Variants in BPTF observed in about 807,000 individuals in gnomAD.
BPTF encodes the protein bromodomain PHD finger transcription factor, also known as nucleosome-remodeling factor subunit BPTF.
Under a neutral mutation model 292.5 loss-of-function variants are expected in BPTF, and 18 were observed. The observed-to-expected ratio is 0.06, with a 90% CI of 0.04 to 0.09. The LOEUF (loss-of-function observed/expected upper bound fraction) is 0.09, where lower values mean the gene tolerates loss of function less well. Ranked by LOEUF, BPTF falls within the 10% of genes least tolerant of loss-of-function variation. The pLI, the probability that BPTF is intolerant of heterozygous loss-of-function variation, is 1.00. For missense variants in BPTF, 2,726 were observed against 3,498.7 expected (o/e 0.78, Z 5.57); for synonymous variants, 1,225 against 1,251.9 (o/e 0.98, Z 0.45).
intron 1 of BPTF, among the ~76,000 whole-genome samples, chr17:67,841,374 A>C (rs528835546): frequency 1.2e-3 from 178 of 152,250 alleles, no homozygotes; most frequent in African/African-American, 4.2e-3. Context: ...GCGCCATTGC[A>C]CTCCAGCCTA....
intron 1 of BPTF, among the ~76,000 whole-genome samples, 178 bp downstream of exon 1, chr17:67,826,515 A>C (rs1450803678): frequency 2.0e-5 from 3 of 150,472 alleles, no homozygotes; most frequent in African/African-American, 7.3e-5. Context: ...AAGAGGAAAG[A>C]GGCGCATTGT....
intron 19 of BPTF, among the ~76,000 whole-genome samples, chr17:67,942,300 CT>C (rs2065436134): frequency 7.5e-6 from 1 of 134,040 alleles, no homozygotes; most frequent in African/African-American, 2.8e-5. Flanking sequence ...AGGCAACAGA[CT>C]CCGTCTCAAA....
Position 67,825,975 on chromosome 17 carries a change from C to T in BPTF, c.251C>T (p.Pro84Leu). ...AAGCCGCCGCCGCCGCCGCCGGCCCCCCCCAGCACCAGCGCCCCGGGCCGG... is the reference window on the plus strand; with the variant it reads ...AAGCCGCCGCCGCCGCCGCCGGCCCTCCCCAGCACCAGCGCCCCGGGCCGG... The part of the protein sequence containing the change: ...RRKPPPPPPA[P>L]PSTSAPGRGG... Residue 84 changes from proline to leucine, a missense_variant, in exon 1 of 28, where the codon CCC (proline) becomes CTC (leucine). Physicochemically the swap from Pro to Leu is moderately conservative, Grantham distance 98. This residue lies in a region of BPTF where 103 missense variants were observed against 72.1 expected (regional missense o/e 1.43). Coordinates refer to ENST00000306378, the MANE Select transcript of BPTF (RefSeq NM_182641.4). 2.8e-6 allele frequency: 3 copies of T among 1,057,808 alleles called. No individual in the cohort carries two copies. The South Asian group carries it at 1.3e-4, about 46-fold the overall frequency. The allele number at this position is 1,057,808 out of a possible 1,614,324, so 65.5% of individuals were successfully genotyped here.
Position 67,953,961 on chromosome 17 carries a change from C to CTTTTT in BPTF, c.7927-5543_7927-5539dup, listed in dbSNP as rs869063412. On this transcript the variant is annotated intron_variant, in intron 23 of 27. Coordinates refer to ENST00000306378, the MANE Select transcript of BPTF (RefSeq NM_182641.4). ...ATCTTTTTTCTTTTTCTTTTCTTTT[C>CTTTTT]TTTTTTTTTTTTTTTTTTTTTTTTT... 3.2e-4 allele frequency among the ~76,000 whole-genome samples: 21 copies of CTTTTT among 65,642 alleles called. 2 individuals are homozygous for CTTTTT. The highest frequency in any genetic ancestry group is 1.4e-3 in the African/African-American group (20 of 13,832). The allele number at this position is 65,642 out of a possible 152,430, so 43.1% of individuals were successfully genotyped here.
intron 17 of BPTF, among the ~76,000 whole-genome samples, chr17:67,931,507 TA>T (rs1274058193): frequency 6.6e-6 from 1 of 152,096 alleles, no homozygotes; most frequent in Non-Finnish European, 1.5e-5. Flanking sequence ...AAATAATTTT[TA>T]AAAAACTATG....
At chr17:67,840,583 C>T (rs2057478753) in intron 1 of BPTF, among the ~76,000 whole-genome samples, 1 of 151,164 alleles carries the variant, frequency 6.6e-6, no homozygotes, top group Non-Finnish European at 1.5e-5. Flanking sequence ...AGACAGTTTC[C>T]TTCTTTCACC....
intron 4 of BPTF, among the ~76,000 whole-genome samples, 165 bp downstream of exon 4, chr17:67,875,185 A>C (rs1355805672): frequency 6.6e-6 from 1 of 152,186 alleles, no homozygotes; most frequent in Non-Finnish European, 1.5e-5. Context: ...TAACAATTGT[A>C]ATGAGTTTTA....
intron 23 of BPTF, among the ~76,000 whole-genome samples, 190 bp downstream of exon 23, chr17:67,948,496 G>GT: frequency 6.6e-6 from 1 of 152,170 alleles, no homozygotes; most frequent in Non-Finnish European, 1.5e-5. Context: ...AACTAAATGT[G>GT]TAGTTATATT....
chr17:67,901,077 T>A (rs1191334725), intron 7 of BPTF, among the ~76,000 whole-genome samples: 1 of 150,304 alleles, frequency 6.7e-6, no homozygotes, highest in African/African-American at 2.5e-5. Context: ...GGGGAAAAAA[T>A]AGATGTTAGT....
Position 67,909,609 on chromosome 17 carries a change from A to G in BPTF, c.2840A>G (p.Asp947Gly). 6.4e-7 allele frequency: 1 copy of G among 1,572,630 alleles called. No individual in the cohort carries two copies. The highest frequency in any genetic ancestry group is 8.6e-7 in the Non-Finnish European group (1 of 1,164,608). ...AAAAATAATATGGATGAAAATATGG[A>G]TGAGTCAGATAAAAGAAAATGTTCA... The part of the protein sequence containing the change: ...GTKNNMDENM[D>G]ESDKRKCSRS... Residue 947 changes from aspartate (D) to glycine (G), a missense_variant, in exon 10 of 28, where the codon GAT becomes GGT. Asp to Gly is a moderately conservative substitution (Grantham distance 94, BLOSUM62 -1). Around this residue, in one of 22 missense-constraint regions of BPTF, gnomAD observed 713 missense variants for 714.9 expected, o/e 1.00. Transcript: ENST00000306378.
intron 2 of BPTF, among the ~76,000 whole-genome samples, chr17:67,862,378 C>G (rs571306246): frequency 3.0e-4 from 45 of 152,260 alleles, no homozygotes; most frequent in Non-Finnish European, 6.0e-4. Flanking sequence ...ACTCTAAACA[C>G]TTTATATATT....
At chr17:67,903,682 A>G (rs986656389) in intron 7 of BPTF, 107 bp from the exon 8 acceptor site, 21 of 1,007,308 alleles carry the variant, frequency 2.1e-5, no homozygotes, top group Non-Finnish European at 2.9e-5. Context: ...TCTGGTTTGT[A>G]GGATTATAAC....
In BPTF at chr17:67,826,101, A is replaced by G; in HGVS notation, c.377A>G (p.Tyr126Cys). The change falls in exon 1 of 28, where the codon TAC becomes TGC. Residue 126 changes from tyrosine to cysteine, a missense_variant. By Grantham distance (194) the Tyr-to-Cys change is radical (BLOSUM62 -2). Coordinates refer to ENST00000306378, the MANE Select transcript of BPTF (RefSeq NM_182641.4). ...AARRAVNKVVYDDHESEEEEE... is the reference protein window; with the variant it reads ...AARRAVNKVVCDDHESEEEEE... Reference sequence around the variant, plus strand: ...CGGAGGGCCGTCAACAAAGTGGTGTACGATGACCACGAGAGCGAGGAGGAG... The same window carrying G: ...CGGAGGGCCGTCAACAAAGTGGTGTGCGATGACCACGAGAGCGAGGAGGAG... 7.2e-7 allele frequency: 1 copy of G among 1,382,972 alleles called. No individual in the cohort carries two copies. The highest frequency in any genetic ancestry group is 1.0e-6 in the Non-Finnish European group (1 of 989,946). The allele number at this position is 1,382,972 out of a possible 1,614,324, so 85.7% of individuals were successfully genotyped here. A position where few individuals can be genotyped will look rare whatever the true frequency, so the allele number is the denominator to read the frequency against.
intron 4 of BPTF, among the ~76,000 whole-genome samples, chr17:67,876,760 C>T (rs1311210157): frequency 2.0e-5 from 3 of 151,996 alleles, no homozygotes; most frequent in African/African-American, 7.3e-5. Context: ...GAGCTGAGAT[C>T]GTATCACTGC....
chr17:67,978,626 A>G (rs1555695317), intron 27 of BPTF, among the ~76,000 whole-genome samples: 1 of 152,066 alleles, frequency 6.6e-6, no homozygotes, highest in African/African-American at 2.4e-5. Flanking sequence ...AGTTCAGAAA[A>G]CAAGTGGTTC....
At chr17:67,865,327 TATTC>T in intron 2 of BPTF, among the ~76,000 whole-genome samples, 1 of 152,246 alleles carries the variant, frequency 6.6e-6, no homozygotes. Flanking sequence ...GCTAAATTTT[TATTC>T]ATTTATTACC....
chr17:67,934,645 G>C (rs559916636), intron 18 of BPTF, among the ~76,000 whole-genome samples: 4 of 151,844 alleles, frequency 2.6e-5, no homozygotes, highest in Non-Finnish European at 4.4e-5. Flanking sequence ...GGAGGCCGGC[G>C]GGTGGATCAC....
chr17:67,940,439 G>A lies in BPTF; in HGVS notation c.6260G>A (p.Gly2087Asp), dbSNP rs148259687. 13 of 1,613,768 alleles carry A rather than the reference G, an allele frequency of 8.1e-6. No individual in the cohort carries two copies. The highest frequency in any genetic ancestry group is 1.1e-5 in the South Asian group (1 of 91,052). The change falls in exon 19 of 28, where the codon GGT becomes GAT. Residue 2087 changes from glycine to aspartate, a missense_variant and splice_region_variant. Transcript: ENST00000306378. ...IIRTPVMVQPGAPQQVMTQII... is the reference protein window; with the variant it reads ...IIRTPVMVQPDAPQQVMTQII... ...TCATAATGTTTTGCTGTTTGGGTAGGTGCTCCTCAGCAAGTGATGACTCAA... is the reference window on the plus strand; with the variant it reads ...TCATAATGTTTTGCTGTTTGGGTAGATGCTCCTCAGCAAGTGATGACTCAA...
intron 15 of BPTF, 118 bp downstream of exon 15, chr17:67,924,707 C>T (rs2063727263): frequency 8.6e-7 from 1 of 1,161,856 alleles, no homozygotes. Context: ...TGACAACATA[C>T]ATACATTTTT....
Sources: gnomAD v4.1 joint callset for allele counts (sites outside exome capture counted in the v4.1 genomes callset) on GRCh38, gnomAD v4.1.1 for gene constraint, gnomAD v4.1.1 regional missense constraint, MANE v1.5 for transcripts, NCBI Gene and HGNC (gene_info 2026-07-23, HGNC 2026-07-21) for gene names.